Variants in YY1 observed in about 807,000 individuals in gnomAD.
YY1 encodes the protein YY1 transcription factor, also known as transcriptional repressor protein YY1.
Under a neutral mutation model 35.6 loss-of-function variants are expected in YY1, and 2 were observed. The ratio of observed to expected loss-of-function variants is 0.06; its 90% confidence interval spans 0.02 to 0.18. YY1 has a LOEUF of 0.18. YY1 is among the 10% of genes least tolerant of loss of function. The pLI, the probability that YY1 is intolerant of heterozygous loss-of-function variation, is 1.00. For missense variants in YY1, 322 were observed against 573.4 expected (o/e 0.56, Z 4.48); for synonymous variants, 268 against 238.9 (o/e 1.12, Z -1.12).
intron 1 of YY1, among the ~76,000 whole-genome samples, chr14:100,248,768 A>G (rs1009055730): frequency 1.0e-4 from 15 of 148,996 alleles, no homozygotes; most frequent in Admixed American, 4.8e-4. Flanking sequence ...GCTCACTGCA[A>G]GCTCTGCCTC....
At chr14:100,263,593 A>C (rs1477600711) in intron 2 of YY1, among the ~76,000 whole-genome samples, 1 of 152,256 alleles carries the variant, frequency 6.6e-6, no homozygotes, top group Non-Finnish European at 1.5e-5. Context: ...TCTGGAGCAG[A>C]AAGCCTAATG....
chr14:100,270,340 G>A (rs1037513181), intron 2 of YY1, among the ~76,000 whole-genome samples: 1 of 150,780 alleles, frequency 6.6e-6, no homozygotes, highest in African/African-American at 2.4e-5. Context: ...GCCGGGTGCC[G>A]TGGCTCATGC....
chr14:100,270,966 C>T (rs1291257852), intron 2 of YY1, among the ~76,000 whole-genome samples: 1 of 152,050 alleles, frequency 6.6e-6, no homozygotes, highest in African/African-American at 2.4e-5. Context: ...AAAAAATAGG[C>T]TGGGCGCGGT....
rs558687442 is a variant in YY1 at position 100,276,952 on chromosome 14, G to A, written c.1062+304G>A. On this transcript the variant is annotated intron_variant, in intron 4 of 4. Coordinates refer to ENST00000262238, the MANE Select transcript of YY1 (RefSeq NM_003403.5). The surrounding 1 kb of genome is among the most constrained non-coding windows in gnomAD (Gnocchi z 4.1). ...CTCAATTTCTACTTCATTCATTACA[G>A]GATTGAAGTAATTTATTTTTGGTAG... 2 of 453,996 alleles carry A rather than the reference G, an allele frequency of 4.4e-6. No homozygotes were observed. Among genetic ancestry groups the A allele is most frequent in the East Asian group, 4.3e-5 (1 of 23,034 alleles). 28.1% of individuals were successfully genotyped at this position (453,996 alleles called of 1,614,324 possible).
intron 1 of YY1, among the ~76,000 whole-genome samples, chr14:100,243,098 A>G (rs764909999): frequency 6.6e-6 from 1 of 152,350 alleles, no homozygotes; most frequent in Middle Eastern, 3.4e-3. Flanking sequence ...AAGAGAAGCT[A>G]AAGAGCTTAT....
In YY1 at chr14:100,246,205, A is replaced by G. The variant is rs554209757; in HGVS notation, c.679+6282A>G. Among the ~76,000 whole-genome samples the G allele has an allele frequency of 1.3e-4, 20 of 152,296 alleles. No homozygotes were observed. In the South Asian group the frequency reaches 3.3e-3, roughly 25 times the overall value. Reference sequence around the variant, plus strand: ...TCACCCCCACCCCGTTTCCATTTCCATACATGGGTTTTGTGAGGTGAGGCC... The same window carrying G: ...TCACCCCCACCCCGTTTCCATTTCCGTACATGGGTTTTGTGAGGTGAGGCC... On this transcript the variant is annotated intron_variant, in intron 1 of 4. Coordinates refer to ENST00000262238, the MANE Select transcript of YY1 (RefSeq NM_003403.5).
At chr14:100,240,852 C>CA (rs1330992995) in intron 1 of YY1, among the ~76,000 whole-genome samples, 2 of 151,990 alleles carry the variant, frequency 1.3e-5, no homozygotes, top group Non-Finnish European at 2.9e-5. Flanking sequence ...TTAGTTTACT[C>CA]AACTGTGGAC....
rs55649674 is a variant in YY1 at position 100,270,262 on chromosome 14, CAAAAAAAAAAA to C, written c.843-4418_843-4408del. Among the ~76,000 whole-genome samples, 104 of 43,538 alleles carry C rather than the reference CAAAAAAAAAAA, an allele frequency of 2.4e-3. 1 individual carries two copies. Among genetic ancestry groups the C allele is most frequent in the African/African-American group, 0.01 (99 of 9,634 alleles). 28.6% of individuals were successfully genotyped at this position (43,538 alleles called of 152,430 possible). ...TGGGCGACAGAGCAAGACTCTGTCT[CAAAAAAAAAAA>C]AAAAAAAAAAAAAAAAATTAAGTTA... On this transcript the variant is annotated intron_variant, in intron 2 of 4. Transcript: ENST00000262238.
intron 2 of YY1, among the ~76,000 whole-genome samples, 178 bp from the exon 3 acceptor site, chr14:100,274,520 T>C (rs1193048081): frequency 1.3e-5 from 2 of 152,238 alleles, no homozygotes; most frequent in Non-Finnish European, 2.9e-5. Flanking sequence ...GGAAGAGTGC[T>C]TCACAGTCAT....
chr14:100,251,951 C>T (rs577019704), intron 1 of YY1, among the ~76,000 whole-genome samples: 12 of 152,140 alleles, frequency 7.9e-5, no homozygotes, highest in African/African-American at 2.4e-4. Flanking sequence ...AATGAGGAAA[C>T]CAGGCGAGGT....
intron 1 of YY1, among the ~76,000 whole-genome samples, chr14:100,242,744 C>T (rs1890770321): frequency 6.6e-6 from 1 of 150,850 alleles, no homozygotes; most frequent in Non-Finnish European, 1.5e-5. Context: ...CGTTTCTTTT[C>T]TTCTCTTTTC....
rs373338054 is a variant in YY1 at position 100,271,815 on chromosome 14, T to C, written c.843-2883T>C. ...ATGTGCCACCACGCCTGGCTAACTT[T>C]TTATTTTTTTTAGAGACGGGGTGTT... On this transcript the variant is annotated intron_variant, in intron 2 of 4. Transcript: ENST00000262238. 5.3e-5 allele frequency among the ~76,000 whole-genome samples: 8 copies of C among 152,288 alleles called. No individual in the cohort carries two copies. In the East Asian group the frequency reaches 9.7e-4, roughly 18 times the overall value.
chr14:100,250,541 G>T (rs1890908860), intron 1 of YY1, among the ~76,000 whole-genome samples: 1 of 151,984 alleles, frequency 6.6e-6, no homozygotes, highest in Non-Finnish European at 1.5e-5. Flanking sequence ...GAGGTTACTG[G>T]CAGTCAAAAT....
intron 1 of YY1, among the ~76,000 whole-genome samples, chr14:100,248,044 A>G (rs535031933): frequency 1.3e-5 from 2 of 151,374 alleles, no homozygotes; most frequent in Non-Finnish European, 2.9e-5. Context: ...TCCCGAGTTC[A>G]AACAATTTTC....
intron 1 of YY1, among the ~76,000 whole-genome samples, chr14:100,246,971 C>T (rs1890842799): frequency 6.6e-6 from 1 of 152,164 alleles, no homozygotes; most frequent in South Asian, 2.1e-4. Context: ...AGACTCTCCC[C>T]TCCAGGTTAT....
chr14:100,242,033 TA>T (rs1293919420), intron 1 of YY1, among the ~76,000 whole-genome samples: 13 of 151,478 alleles, frequency 8.6e-5, no homozygotes, highest in Admixed American at 4.0e-4. Context: ...ATGGGGGTTT[TA>T]GTTATTGATG....
intron 2 of YY1, among the ~76,000 whole-genome samples, chr14:100,268,678 T>C (rs536673564): frequency 1.3e-5 from 2 of 152,342 alleles, no homozygotes; most frequent in South Asian, 4.1e-4. Flanking sequence ...TAAGAGATAA[T>C]TCATTGAACA....
intron 2 of YY1, among the ~76,000 whole-genome samples, chr14:100,272,161 T>C (rs940881898): frequency 6.6e-6 from 1 of 151,870 alleles, no homozygotes; most frequent in Admixed American, 6.6e-5. Flanking sequence ...CCGGGCATGG[T>C]GGCGGGCGCC....
intron 3 of YY1, among the ~76,000 whole-genome samples, chr14:100,275,023 T>C (rs1203970509): frequency 6.6e-6 from 1 of 152,214 alleles, no homozygotes; most frequent in Non-Finnish European, 1.5e-5. Flanking sequence ...TTTTGGATTA[T>C]ATTAACAAGT....
Sources: gnomAD v4.1 joint callset for allele counts (sites outside exome capture counted in the v4.1 genomes callset) on GRCh38, gnomAD v4.1.1 for gene constraint, Gnocchi (gnomAD v3.1) non-coding constraint, MANE v1.5 for transcripts, NCBI Gene and HGNC (gene_info 2026-07-23, HGNC 2026-07-21) for gene names.